Variants in VOPP1 observed in about 807,000 individuals in gnomAD.
VOPP1 encodes the protein WW domain binding protein VOPP1.
A neutral mutation model predicts 23.5 loss-of-function variants in VOPP1; 8 were observed. The ratio of observed to expected loss-of-function variants is 0.34; its 90% confidence interval spans 0.20 to 0.61. VOPP1 has a LOEUF of 0.61. Ranked by LOEUF, VOPP1 falls within the 20% of genes least tolerant of loss-of-function variation. The pLI is 0.78. For missense variants in VOPP1, 174 were observed against 238.1 expected, an observed-to-expected ratio of 0.73 and a Z score of 1.77; for synonymous variants, 83 against 97.3, an observed-to-expected ratio of 0.85 and a Z score of 0.86.
intron 2 of VOPP1, among the ~76,000 whole-genome samples, chr7:55,517,830 C>T (rs1795566278): frequency 6.6e-6 from 1 of 152,008 alleles, no homozygotes; most frequent in Non-Finnish European, 1.5e-5. Context: ...GCTTCATGAC[C>T]CCAACTTGAT....
chr7:55,464,830 G>A (rs1474391231), intron 4 of VOPP1, among the ~76,000 whole-genome samples: 1 of 152,152 alleles, frequency 6.6e-6, no homozygotes, highest in Non-Finnish European at 1.5e-5. Context: ...GGTGTGTGGG[G>A]GACCCAGAGT....
At chr7:55,526,106 G>GA (rs1349597622) in intron 1 of VOPP1, among the ~76,000 whole-genome samples, 1 of 152,204 alleles carries the variant, frequency 6.6e-6, no homozygotes, top group Non-Finnish European at 1.5e-5. Flanking sequence ...ACAATACGCA[G>GA]AGCCACATGC....
In VOPP1 at chr7:55,474,120, C is replaced by CA. The variant is rs1416135443; in HGVS notation, c.329-1076dup. Among the ~76,000 whole-genome samples, 5 of 152,252 alleles carry CA rather than the reference C, an allele frequency of 3.3e-5. 1 individual carries two copies. Among genetic ancestry groups the CA allele is most frequent in the Admixed American group, 3.3e-4 (5 of 15,288 alleles). ...TGAGCGCTCTCAACTGCCAGGAGGG[C>CA]ACTCAGCACAGATGCCACCCTGTGT... is the stretch of plus-strand genomic sequence containing the variant. On this transcript the variant is annotated intron_variant, in intron 4 of 4. Coordinates refer to ENST00000285279, the MANE Select transcript of VOPP1 (RefSeq NM_030796.5).
chr7:55,520,791 C>G (rs1463005704), intron 2 of VOPP1, among the ~76,000 whole-genome samples: 1 of 152,216 alleles, frequency 6.6e-6, no homozygotes, highest in African/African-American at 2.4e-5. Context: ...TAACTTTTGC[C>G]TTCCACAGAC....
chr7:55,453,762 T>C (rs1791299634), intron 4 of VOPP1, among the ~76,000 whole-genome samples: 2 of 152,134 alleles, frequency 1.3e-5, no homozygotes, highest in South Asian at 2.1e-4. Flanking sequence ...GCACATGCTG[T>C]TGGAAAAAAA....
intron 4 of VOPP1, among the ~76,000 whole-genome samples, chr7:55,462,878 G>A (rs751457541): frequency 3.7e-4 from 55 of 148,286 alleles, no homozygotes; most frequent in Admixed American, 6.8e-4. Flanking sequence ...GGATGGTCTC[G>A]ATCTCCTGAC....
At chr7:55,521,637 G>C in intron 1 of VOPP1, 6 of 987,358 alleles carry the variant, frequency 6.1e-6, no homozygotes, top group Non-Finnish European at 7.2e-6. Flanking sequence ...TGCAGGAAGA[G>C]AAAGAAGGAA....
At chr7:55,537,908 C>T (rs1475444047) in intron 1 of VOPP1, among the ~76,000 whole-genome samples, 13 of 152,214 alleles carry the variant, frequency 8.5e-5, no homozygotes, top group Non-Finnish European at 1.9e-4. Flanking sequence ...GTGGCCCCAC[C>T]AGGCAGAGAT....
chr7:55,508,467 C>A (rs956946480), intron 2 of VOPP1, among the ~76,000 whole-genome samples: 5 of 152,164 alleles, frequency 3.3e-5, no homozygotes, highest in Non-Finnish European at 7.3e-5. Context: ...TGAGGTTTCA[C>A]TATGTTGCCA....
At chr7:55,547,433 G>C (rs1319553564) in intron 1 of VOPP1, among the ~76,000 whole-genome samples, 1 of 152,202 alleles carries the variant, frequency 6.6e-6, no homozygotes. Context: ...TGACATGTAA[G>C]TACAGGAATC....
At chr7:55,442,652 CAAAAAA>C (rs11302671) in intron 4 of VOPP1, among the ~76,000 whole-genome samples, 1 of 139,396 alleles carries the variant, frequency 7.2e-6, no homozygotes, top group African/African-American at 2.6e-5. Flanking sequence ...TGAAGTAGAC[CAAAAAA>C]AAAAAAAAAC....
chr7:55,499,453 T>C (rs1404606157), intron 2 of VOPP1, among the ~76,000 whole-genome samples: 2 of 152,310 alleles, frequency 1.3e-5, no homozygotes, highest in East Asian at 1.9e-4. Context: ...AAGGGGCTAC[T>C]AGGAGCCTGC....
intron 1 of VOPP1, among the ~76,000 whole-genome samples, chr7:55,531,208 C>T (rs771609530): frequency 4.6e-5 from 7 of 152,094 alleles, no homozygotes; most frequent in African/African-American, 7.2e-5. Flanking sequence ...CTGAAAGCAG[C>T]GATAACAGAT....
At chr7:55,449,396 G>C (rs576552325) in intron 4 of VOPP1, among the ~76,000 whole-genome samples, 1 of 152,278 alleles carries the variant, frequency 6.6e-6, no homozygotes, top group East Asian at 1.9e-4. Flanking sequence ...GCGCAGGTCA[G>C]GGACACCCGT....
chr7:55,531,670 T>C (rs10246685), intron 1 of VOPP1, among the ~76,000 whole-genome samples: 2,483 of 152,230 alleles, frequency 0.016, 70 homozygotes, highest in African/African-American at 0.056. Context: ...CTTTTTTTGA[T>C]GTAATTGCAG....
In VOPP1 at chr7:55,537,034, G is replaced by C. The variant is rs1796837342; in HGVS notation, c.55-15904C>G. On this transcript the variant is annotated intron_variant, in intron 1 of 4. Coordinates refer to ENST00000285279, the MANE Select transcript of VOPP1 (RefSeq NM_030796.5). The stretch of plus-strand genomic sequence containing the variant: ...TGAGAGGCTGAGAGGATTAAGGAAG[G>C]GGCTTTGGGGAGGGGCCAGACATTT... Among the ~76,000 whole-genome samples the C allele has an allele frequency of 5.3e-5, 8 of 152,172 alleles. 1 individual carries two copies. Among genetic ancestry groups the C allele is most frequent in the Admixed American group, 5.2e-4 (8 of 15,284 alleles).
chr7:55,535,680 T>C (rs779186508), intron 1 of VOPP1, among the ~76,000 whole-genome samples: 2 of 152,222 alleles, frequency 1.3e-5, no homozygotes, highest in African/African-American at 2.4e-5. Flanking sequence ...GTTGTTAGTT[T>C]TCCCCCTTGG....
intron 1 of VOPP1, chr7:55,552,712 G>T: frequency 6.5e-7 from 1 of 1,535,730 alleles, no homozygotes; most frequent in Non-Finnish European, 8.7e-7. Flanking sequence ...CAGCCCCTCC[G>T]AAGGCAGGAG....
chr7:55,532,929 AATTG>A (rs1796577230), intron 1 of VOPP1, among the ~76,000 whole-genome samples: 1 of 152,186 alleles, frequency 6.6e-6, no homozygotes, highest in Admixed American at 6.5e-5. Context: ...TCTTGTCATG[AATTG>A]ATTGGTTATA....
Sources: allele counts gnomAD v4.1 joint callset (sites outside exome capture counted in the v4.1 genomes callset), GRCh38; gene constraint gnomAD v4.1.1; transcripts MANE v1.5; gene names NCBI Gene and HGNC (gene_info 2026-07-23, HGNC 2026-07-21).